The following SF1 variants were observed in gnomAD, a reference collection of about 807,000 sequenced individuals.
SF1 encodes splicing factor 1.
Under a neutral mutation model 62.5 loss-of-function variants are expected in SF1, and 7 were observed. That is an observed-to-expected ratio of 0.11 (90% CI 0.06 to 0.21). The LOEUF (loss-of-function observed/expected upper bound fraction) is 0.21. Ranked by LOEUF, SF1 falls within the 10% of genes least tolerant of loss-of-function variation. SF1 has a pLI of 1.00. For missense variants in SF1, 578 were observed against 884.0 expected (o/e 0.65, Z 4.39); for synonymous variants, 394 against 323.6 (o/e 1.22, Z -2.33).
At chr11:64,768,846 A>G (rs1937807539) in intron 8 of SF1, among the ~76,000 whole-genome samples, 176 bp downstream of exon 8, 1 of 152,216 alleles carries the variant, frequency 6.6e-6, no homozygotes, top group South Asian at 2.1e-4. Context: ...ACAAACAAAC[A>G]GGGGTATCTG....
intron 12 of SF1, 45 bp downstream of exon 12, chr11:64,766,855 A>ACGCCCCC: frequency 1.9e-6 from 1 of 528,762 alleles, no homozygotes; most frequent in Middle Eastern, 5.8e-4. Flanking sequence ...TGTCAGCCCC[A>ACGCCCCC]CCCCCATCCC....
chr11:64,770,156 T>C (rs1193677240), intron 4 of SF1, 100 bp downstream of exon 4: 21 of 1,556,334 alleles, frequency 1.3e-5, no homozygotes, highest in African/African-American at 8.2e-5. Flanking sequence ...TATGGGTGAC[T>C]TGAGGCAAGA....
rs1168300948 is a variant in SF1 at position 64,765,679 on chromosome 11, GTGCGTGCACACACACACA to G, written c.*121_*138del. The G allele has an allele frequency of 6.7e-5, 98 of 1,471,368 alleles. No homozygotes were observed. Among genetic ancestry groups the G allele is most frequent in the South Asian group, 1.1e-4 (8 of 70,520 alleles). 91.1% of individuals were successfully genotyped at this position (1,471,368 alleles called of 1,614,324 possible). A position where few individuals can be genotyped will look rare whatever the true frequency, so the allele number is the denominator to read the frequency against. ...ATCCTCAGTCGCTTGGCCCAGCCCA[GTGCGTGCACACACACACA>G]TGCGTGCACACACAATCACATGCGT... On this transcript the variant is annotated 3_prime_UTR_variant, in exon 13 of 13. Transcript: ENST00000377390.
Position 64,765,499 on chromosome 11 carries a change from C to T in SF1, c.*319G>A, listed in dbSNP as rs367830941. 37 of 1,611,110 alleles carry T rather than the reference C, an allele frequency of 2.3e-5. No individual in the cohort carries two copies. The highest frequency in any genetic ancestry group is 5.3e-5 in the African/African-American group (4 of 74,864). ...TCCTCACTCTCATGGCTCGGGCCAT[C>T]GCCGCCGCGGGGAGGGATCCTGGCG... On this transcript the variant is annotated 3_prime_UTR_variant, in exon 13 of 13. Coordinates refer to ENST00000377390, the MANE Select transcript of SF1 (RefSeq NM_004630.4).
At chr11:64,776,248 T>A in intron 2 of SF1, 2 of 423,006 alleles carry the variant, frequency 4.7e-6, no homozygotes, top group East Asian at 1.1e-4. Flanking sequence ...GACTGGGGAC[T>A]GTTCTTACTC....
Position 64,765,983 on chromosome 11 carries a change from C to CGGAGGG in SF1, c.1749_1754dup (p.Pro589_Pro590dup). 8.5e-7 allele frequency: 1 copy of CGGAGGG among 1,176,324 alleles called. No homozygotes were observed. The highest frequency in any genetic ancestry group is 1.1e-6 in the Non-Finnish European group (1 of 912,726). 72.9% of individuals were successfully genotyped at this position (1,176,324 alleles called of 1,614,324 possible). A position where few individuals can be genotyped will look rare whatever the true frequency, so the allele number is the denominator to read the frequency against. The stretch of plus-strand genomic sequence containing the variant: ...CGGCGGAACCAGGCGGTGGAGGCGG[C>CGGAGGG]GGAGGGGGAGGGGCCCCAGGCGGCA... On this transcript the variant is annotated inframe_insertion, in exon 13 of 13. Transcript: ENST00000377390.
In SF1 at chr11:64,765,834, G is replaced by A; in HGVS notation, c.1904C>T (p.Pro635Leu). The A allele has an allele frequency of 2.6e-6, 4 of 1,551,692 alleles. No homozygotes were observed. The highest frequency in any genetic ancestry group is 3.5e-6 in the Non-Finnish European group (4 of 1,148,368). ...PFGMPPAPPP[P>L]PPQN ...AAAACAAGTCTAGTTCTGTGGTGGA[G>A]GCGGTGGGGGAGCTGGAGGCATCCC... The change falls in exon 13 of 13, where the codon CCT becomes CTT. Residue 635 changes from proline (P) to leucine (L), a missense_variant. This residue lies in a region of SF1 where 410 missense variants were observed against 452.4 expected (regional missense o/e 0.91). Coordinates refer to ENST00000377390, the MANE Select transcript of SF1 (RefSeq NM_004630.4).
chr11:64,769,357 A>T lies in SF1; in HGVS notation c.664-19T>A. 1 of 1,613,806 alleles carries T rather than the reference A, an allele frequency of 6.2e-7. No individual in the cohort carries two copies. The highest frequency in any genetic ancestry group is 8.5e-7 in the Non-Finnish European group (1 of 1,179,680). ...TTCTTATCTAGTGAAAATGCAATGGACAGTTAAGTGCTTAGGGCCTCCACC... is the reference window on the plus strand; with the variant it reads ...TTCTTATCTAGTGAAAATGCAATGGTCAGTTAAGTGCTTAGGGCCTCCACC... On this transcript the variant is annotated intron_variant, in intron 6 of 12. Coordinates refer to ENST00000377390, the MANE Select transcript of SF1 (RefSeq NM_004630.4).
At chr11:64,767,291 G>A (rs759259687) in intron 10 of SF1, 40 bp from the exon 11 acceptor site, 2 of 1,597,610 alleles carry the variant, frequency 1.3e-6, no homozygotes, top group East Asian at 2.2e-5. Flanking sequence ...CAGGACATTG[G>A]AACTGGCCAG....
Position 64,765,513 on chromosome 11 carries a change from G to A in SF1, c.*305C>T, listed in dbSNP as rs776627122. On this transcript the variant is annotated 3_prime_UTR_variant, in exon 13 of 13. Transcript: ENST00000377390. Reference sequence around the variant, plus strand: ...GCTCGGGCCATCGCCGCCGCGGGGAGGGATCCTGGCGGCCCGGTTTGGGGA... The same window carrying A: ...GCTCGGGCCATCGCCGCCGCGGGGAAGGATCCTGGCGGCCCGGTTTGGGGA... 32 of 1,608,694 alleles carry A rather than the reference G, an allele frequency of 2.0e-5. No homozygotes were observed. In the East Asian group the frequency reaches 6.1e-4, roughly 31 times the overall value.
chr11:64,766,240 G>A (rs2058657599), intron 12 of SF1, 85 bp from the exon 13 acceptor site: 7 of 834,974 alleles, frequency 8.4e-6, no homozygotes, highest in Non-Finnish European at 1.3e-5. Context: ...GGGGGCGAGG[G>A]GCGCCTGCTC....
intron 8 of SF1, 83 bp downstream of exon 8, chr11:64,768,939 A>G: frequency 2.2e-6 from 2 of 913,594 alleles, no homozygotes; most frequent in Admixed American, 3.4e-5. Flanking sequence ...TCTTGGTAAG[A>G]TTAACAGCAA....
At chr11:64,767,140 C>A in intron 11 of SF1, 52 bp downstream of exon 11, 3 of 1,612,900 alleles carry the variant, frequency 1.9e-6, no homozygotes, top group Non-Finnish European at 2.5e-6. Flanking sequence ...GGGCCAGAAC[C>A]CCCACTCACC....
intron 3 of SF1, chr11:64,772,388 A>G (rs1423415929): frequency 2.0e-6 from 2 of 984,292 alleles, no homozygotes; most frequent in East Asian, 1.1e-4. Flanking sequence ...AAATCTATCT[A>G]TAGGTAAAAT....
At chr11:64,769,837 T>G (rs1938014053) in intron 5 of SF1, 127 bp downstream of exon 5, 1 of 806,798 alleles carries the variant, frequency 1.2e-6, no homozygotes, top group Non-Finnish European at 2.0e-6. Flanking sequence ...AGGCATTAAT[T>G]CAGCCAAAAT....
intron 6 of SF1, 21 bp from the exon 7 acceptor site, chr11:64,769,359 A>T: frequency 6.2e-7 from 1 of 1,613,848 alleles, no homozygotes; most frequent in Non-Finnish European, 8.5e-7. Context: ...TGCAATGGAC[A>T]GTTAAGTGCT....
intron 9 of SF1, 35 bp downstream of exon 9, chr11:64,768,071 G>A (rs1354410848): frequency 1.3e-6 from 2 of 1,586,380 alleles, no homozygotes; most frequent in Non-Finnish European, 1.7e-6. Flanking sequence ...AGAGAATGGG[G>A]AAGCCAGACC....
At position 64,765,487 on chromosome 11, in the gene SF1, G is replaced by A. The variant is rs1251640891; in HGVS notation, c.*331C>T. 5.6e-6 allele frequency: 9 copies of A among 1,612,808 alleles called. No homozygotes were observed. The highest frequency in any genetic ancestry group is 2.7e-5 in the African/African-American group (2 of 74,852). ...GGGCGCGGAAAGTCCTCACTCTCAT[G>A]GCTCGGGCCATCGCCGCCGCGGGGA... On this transcript the variant is annotated 3_prime_UTR_variant, in exon 13 of 13. Transcript: ENST00000377390.
At chr11:64,777,222 G>C (rs1286588428) in intron 1 of SF1, among the ~76,000 whole-genome samples, 1 of 152,100 alleles carries the variant, frequency 6.6e-6, no homozygotes, top group Non-Finnish European at 1.5e-5. Context: ...CTCTTAAAAG[G>C]ATCTATCAAA....
Sources: allele counts gnomAD v4.1 joint callset (sites outside exome capture counted in the v4.1 genomes callset), GRCh38; gene constraint gnomAD v4.1.1; regional missense constraint gnomAD v4.1.1; transcripts MANE v1.5; gene names NCBI Gene and HGNC (gene_info 2026-07-23, HGNC 2026-07-21).